DOK5: variants seen among roughly 807,000 people sequenced by gnomAD.
DOK5 encodes docking protein 5, also known as downstream of tyrosine kinase 5.
DOK5 carries 27 observed loss-of-function variants against 43.3 expected under a neutral mutation model. That is an observed-to-expected ratio of 0.62 (90% CI 0.46 to 0.86). The LOEUF is 0.86. DOK5 is among the 40% of genes least tolerant of loss of function. DOK5 has a pLI of 0.00. For missense variants in DOK5, 373 were observed against 392.9 expected, an observed-to-expected ratio of 0.95 and a Z score of 0.43; for synonymous variants, 146 against 140.1, an observed-to-expected ratio of 1.04 and a Z score of -0.30.
rs1986229875 is a variant in DOK5 at position 54,599,049 on chromosome 20, G to A, written c.599+7244G>A. 2.0e-5 allele frequency among the ~76,000 whole-genome samples: 3 copies of A among 152,126 alleles called. No homozygotes were observed. In the South Asian group the frequency reaches 6.2e-4, roughly 32 times the overall value. On this transcript the variant is annotated intron_variant, in intron 5 of 7. Transcript: ENST00000262593. ...GAATATTTGAAATATATGTGTATTTGCATATTTGAAAGCTACATATTCCCA... is the reference window on the plus strand; with the variant it reads ...GAATATTTGAAATATATGTGTATTTACATATTTGAAAGCTACATATTCCCA...
At chr20:54,535,100 G>A (rs540962559) in intron 1 of DOK5, among the ~76,000 whole-genome samples, 4 of 152,232 alleles carry the variant, frequency 2.6e-5, no homozygotes, top group Non-Finnish European at 5.9e-5. Flanking sequence ...GCAAAGTGCT[G>A]GGATTAAGGT....
At chr20:54,616,280 A>G (rs1434556216) in intron 6 of DOK5, among the ~76,000 whole-genome samples, 1 of 152,224 alleles carries the variant, frequency 6.6e-6, no homozygotes, top group Admixed American at 6.5e-5. Flanking sequence ...CTTACACTGT[A>G]TCTTTGAATC....
intron 7 of DOK5, among the ~76,000 whole-genome samples, chr20:54,646,248 G>GTTTTTTGTTTTTTTTTTTTTTTTTTTTTT (rs1979415549): frequency 1.3e-5 from 1 of 79,922 alleles, no homozygotes; most frequent in African/African-American, 5.3e-5. Flanking sequence ...TGGTTATACT[G>GTTTTTTGTTTTTTTTTTTTTTTTTTTTTT]TTTTTTTTTT....
intron 6 of DOK5, among the ~76,000 whole-genome samples, chr20:54,620,239 T>G (rs1210424083): frequency 2.0e-5 from 3 of 152,208 alleles, no homozygotes; most frequent in South Asian, 2.1e-4. Flanking sequence ...ATCTTTTATT[T>G]ATTGATTGAT....
chr20:54,558,148 G>A (rs1251327876), intron 2 of DOK5, among the ~76,000 whole-genome samples: 1 of 152,154 alleles, frequency 6.6e-6, no homozygotes, highest in African/African-American at 2.4e-5. Context: ...ACTTTGATTT[G>A]GAGAAAATAG....
Position 54,483,073 on chromosome 20 carries a change from G to A in DOK5, c.66+7061G>A, listed in dbSNP as rs573135239. On this transcript the variant is annotated intron_variant, in intron 1 of 7. Coordinates refer to ENST00000262593, the MANE Select transcript of DOK5 (RefSeq NM_018431.5). The stretch of plus-strand genomic sequence containing the variant: ...GGGCTTTCCAGCTGGTATTTCAGTC[G>A]TCTTCATCTGATTGTCCATGTGGAT... Among the ~76,000 whole-genome samples the A allele has an allele frequency of 1.1e-4, 16 of 152,250 alleles. No homozygotes were observed. In the South Asian group the frequency reaches 2.3e-3, roughly 22 times the overall value.
At chr20:54,632,436 TATC>T (rs1388777372) in intron 6 of DOK5, among the ~76,000 whole-genome samples, 1 of 152,240 alleles carries the variant, frequency 6.6e-6, no homozygotes, top group Non-Finnish European at 1.5e-5. Context: ...TTAAAGACAG[TATC>T]ATGATATAGA....
At chr20:54,476,266 G>C (rs1459189806) in intron 1 of DOK5, 10 of 903,506 alleles carry the variant, frequency 1.1e-5, no homozygotes, top group Non-Finnish European at 1.3e-5. Context: ...GTAGCCCCTG[G>C]AGCCCATCTA....
chr20:54,637,983 G>C (rs778395961), intron 6 of DOK5, among the ~76,000 whole-genome samples: 1 of 152,138 alleles, frequency 6.6e-6, no homozygotes, highest in African/African-American at 2.4e-5. Flanking sequence ...TCAGCCAGGC[G>C]TGGTGGCGGG....
Position 54,644,722 on chromosome 20 carries a change from A to AACAAACAAAAAAC in DOK5, c.856+1145_856+1146insCAAACAAAAAACA, listed in dbSNP as rs1568827238. ...CTCCGTCTCAAAAAAAAAAAAAAAA[A>AACAAACAAAAAAC]AACAAAATTTAGCTGGGCGTGGTGG... On this transcript the variant is annotated intron_variant, in intron 7 of 7. Coordinates refer to ENST00000262593, the MANE Select transcript of DOK5 (RefSeq NM_018431.5). Among the ~76,000 whole-genome samples the AACAAACAAAAAAC allele has an allele frequency of 4.1e-5, 6 of 146,568 alleles. 1 individual carries two copies. Among genetic ancestry groups the AACAAACAAAAAAC allele is most frequent in the African/African-American group, 1.5e-4 (6 of 39,244 alleles).
chr20:54,523,807 T>C (rs1983493478), intron 1 of DOK5, among the ~76,000 whole-genome samples: 3 of 151,998 alleles, frequency 2.0e-5, no homozygotes, highest in African/African-American at 7.2e-5. Context: ...TTCACCATGT[T>C]GGTCAGGCTG....
intron 1 of DOK5, among the ~76,000 whole-genome samples, chr20:54,476,899 G>C (rs1289774664): frequency 6.6e-6 from 1 of 152,086 alleles, no homozygotes; most frequent in Non-Finnish European, 1.5e-5. Context: ...GAATTCTTGA[G>C]GGAGAGGGAA....
At chr20:54,568,956 C>A (rs1199852488) in intron 2 of DOK5, among the ~76,000 whole-genome samples, 1 of 118,706 alleles carries the variant, frequency 8.4e-6, no homozygotes, top group Non-Finnish European at 1.7e-5. Context: ...AATAAATAAA[C>A]GTTTCTGAAA....
At chr20:54,540,622 C>T (rs945433211) in intron 1 of DOK5, among the ~76,000 whole-genome samples, 59 of 152,062 alleles carry the variant, frequency 3.9e-4, no homozygotes, top group Non-Finnish European at 1.3e-4. Context: ...TCAATTGATC[C>T]TTCCCCACCT....
At chr20:54,538,968 T>C (rs192164421) in intron 1 of DOK5, among the ~76,000 whole-genome samples, 101 of 152,044 alleles carry the variant, frequency 6.6e-4, no homozygotes, top group African/African-American at 2.4e-3. Flanking sequence ...TATAACATCG[T>C]TGAAATGCCA....
rs564357224 is a variant in DOK5, at chr20:54,608,559, G to A, written c.600-1829G>A. On this transcript the variant is annotated intron_variant, in intron 5 of 7. Coordinates refer to ENST00000262593, the MANE Select transcript of DOK5 (RefSeq NM_018431.5). ...GAATTTCAGTTTCAGATCTTCTTTG[G>A]GTTAAAATGACTTAATAATTAAAAT... Among the ~76,000 whole-genome samples, 447 of 152,142 alleles carry A rather than the reference G, an allele frequency of 2.9e-3. 1 individual carries two copies. The highest frequency in any genetic ancestry group is 4.5e-3 in the Non-Finnish European group (306 of 68,010).
intron 1 of DOK5, among the ~76,000 whole-genome samples, chr20:54,527,720 C>A (rs1239595995): frequency 1.2e-4 from 18 of 152,108 alleles, no homozygotes; most frequent in Admixed American, 1.2e-3. Context: ...TACAGGGAAC[C>A]AGTTTGTGTC....
intron 6 of DOK5, among the ~76,000 whole-genome samples, chr20:54,633,821 G>A (rs552034529): frequency 5.9e-5 from 9 of 152,308 alleles, no homozygotes; most frequent in East Asian, 3.9e-4. Context: ...ATTTGTGCTC[G>A]TTTCTGAATG....
intron 6 of DOK5, among the ~76,000 whole-genome samples, chr20:54,625,954 A>G (rs1055116127): frequency 3.3e-5 from 5 of 152,208 alleles, no homozygotes; most frequent in Admixed American, 3.3e-4. Flanking sequence ...CATATACAAG[A>G]AATCTCTGCC....
Sources: allele counts gnomAD v4.1 joint callset (sites outside exome capture counted in the v4.1 genomes callset), GRCh38; gene constraint gnomAD v4.1.1; transcripts MANE v1.5; gene names NCBI Gene and HGNC (gene_info 2026-07-23, HGNC 2026-07-21).